The following NUP210L variants were observed in gnomAD, a reference collection of about 807,000 sequenced individuals.
NUP210L encodes the protein nucleoporin 210 like.
A neutral mutation model predicts 208.5 loss-of-function variants in NUP210L; 74 were observed. That is an observed-to-expected ratio of 0.35 (90% CI 0.29 to 0.43). The LOEUF is 0.43. Ranked by LOEUF, NUP210L falls within the 20% of genes least tolerant of loss-of-function variation. NUP210L has a pLI of 1.00. For synonymous variants in NUP210L, 780 were observed against 816.9 expected (o/e 0.95, Z 0.77); for missense variants, 1,843 against 2,289.4 (o/e 0.81, Z 3.98).
intron 16 of NUP210L, among the ~76,000 whole-genome samples, chr1:154,078,085 G>A (rs1450643941): frequency 1.3e-4 from 19 of 151,060 alleles, no homozygotes; most frequent in Admixed American, 1.2e-3. Flanking sequence ...TGGGCGGATC[G>A]CTTGAGCCCA....
chr1:154,121,529 G>C (rs1161045128), intron 10 of NUP210L, among the ~76,000 whole-genome samples: 1 of 152,146 alleles, frequency 6.6e-6, no homozygotes, highest in African/African-American at 2.4e-5. Context: ...TAAAAAAGAA[G>C]AAAGATATAA....
intron 10 of NUP210L, among the ~76,000 whole-genome samples, chr1:154,125,785 T>G: frequency 1.2e-5 from 1 of 80,430 alleles, no homozygotes; most frequent in Non-Finnish European, 2.3e-5. Context: ...TTTTTTTTTT[T>G]GAGACGGAGT....
chr1:154,129,593 G>A (rs1178440901), intron 7 of NUP210L, among the ~76,000 whole-genome samples: 1 of 152,200 alleles, frequency 6.6e-6, no homozygotes, highest in African/African-American at 2.4e-5. Flanking sequence ...GGAGAAAAAA[G>A]ATCATGCTTT....
intron 25 of NUP210L, among the ~76,000 whole-genome samples, chr1:154,053,670 C>A (rs1238676995): frequency 6.6e-6 from 1 of 152,228 alleles, no homozygotes; most frequent in South Asian, 2.1e-4. Context: ...AGATAACTAG[C>A]CAAAGCCCAT....
At chr1:154,054,103 G>T in intron 25 of NUP210L, 125 bp downstream of exon 25, 3 of 858,136 alleles carry the variant, frequency 3.5e-6, no homozygotes, top group Non-Finnish European at 5.5e-6. Context: ...CAGAATGCCA[G>T]GTAGGGGCAC....
At chr1:154,025,812 C>T in intron 29 of NUP210L, 96 bp from the exon 30 acceptor site, 1 of 981,730 alleles carries the variant, frequency 1.0e-6, no homozygotes, top group Non-Finnish European at 1.5e-6. Flanking sequence ...AGGGGATGTA[C>T]TCGAGAAAAC....
intron 17 of NUP210L, among the ~76,000 whole-genome samples, chr1:154,063,124 A>G (rs189696885): frequency 6.6e-6 from 1 of 152,312 alleles, no homozygotes; most frequent in East Asian, 1.9e-4. Flanking sequence ...TAGTGAGGGG[A>G]GACTGAGTAG....
At chr1:154,057,351 G>A (rs1653922289) in intron 22 of NUP210L, among the ~76,000 whole-genome samples, 1 of 152,020 alleles carries the variant, frequency 6.6e-6, no homozygotes, top group East Asian at 1.9e-4. Flanking sequence ...TTTAACTCTG[G>A]TTAGGGGGAA....
chr1:154,065,565 G>A (rs569920716), intron 17 of NUP210L, among the ~76,000 whole-genome samples: 64 of 152,164 alleles, frequency 4.2e-4, no homozygotes, highest in African/African-American at 1.4e-3. Flanking sequence ...AAGGTGACAC[G>A]TGATAAAATC....
chr1:154,035,871 T>C (rs1306426343), intron 27 of NUP210L, among the ~76,000 whole-genome samples: 2 of 151,962 alleles, frequency 1.3e-5, no homozygotes, highest in Non-Finnish European at 2.9e-5. Context: ...GTAGCTGAGA[T>C]TACAGGTACC....
At chr1:154,017,009 G>A (rs1003062640) in intron 33 of NUP210L, among the ~76,000 whole-genome samples, 3 of 151,542 alleles carry the variant, frequency 2.0e-5, no homozygotes, top group African/African-American at 2.4e-5. Context: ...TGGGCGCAGT[G>A]GCAGCTCATG....
intron 27 of NUP210L, among the ~76,000 whole-genome samples, chr1:154,038,635 A>G (rs1347095475): frequency 1.3e-5 from 2 of 152,124 alleles, no homozygotes; most frequent in African/African-American, 4.8e-5. Context: ...GTAAGCCACC[A>G]TGCCCAGCAG....
chr1:154,057,325 A>G (rs1653921134), intron 22 of NUP210L, among the ~76,000 whole-genome samples: 1 of 152,130 alleles, frequency 6.6e-6, no homozygotes, highest in Non-Finnish European at 1.5e-5. Flanking sequence ...CAAGGTGCTT[A>G]ACATTTTCTG....
At chr1:154,154,360 TAA>T (rs1659578042) in intron 1 of NUP210L, among the ~76,000 whole-genome samples, 1 of 152,230 alleles carries the variant, frequency 6.6e-6, no homozygotes, top group Non-Finnish European at 1.5e-5. Context: ...TGTTGTGTTT[TAA>T]GTCCTTCTCA....
At chr1:154,013,456 C>G (rs1370732799) in intron 33 of NUP210L, among the ~76,000 whole-genome samples, 2 of 152,044 alleles carry the variant, frequency 1.3e-5, no homozygotes, top group Admixed American at 6.6e-5. Flanking sequence ...TGCCTGTAAT[C>G]CCAGCTACCA....
chr1:154,151,771 A>G (rs1182359415), intron 2 of NUP210L, among the ~76,000 whole-genome samples: 1 of 152,080 alleles, frequency 6.6e-6, no homozygotes, highest in Non-Finnish European at 1.5e-5. Context: ...CTGTGCAACA[A>G]AGCAAGACCC....
chr1:154,079,186 G>A (rs190391338), intron 16 of NUP210L, among the ~76,000 whole-genome samples: 2 of 152,216 alleles, frequency 1.3e-5, no homozygotes, highest in East Asian at 3.9e-4. Context: ...TTGAGCCGAA[G>A]AGTTCAAGGC....
chr1:154,113,728 C>A (rs1032055174), intron 12 of NUP210L, among the ~76,000 whole-genome samples: 2 of 150,486 alleles, frequency 1.3e-5, no homozygotes, highest in South Asian at 4.2e-4. Flanking sequence ...CGTGGTGGCA[C>A]GTGCCTGTAA....
chr1:154,031,721 C>CT (rs780787597), intron 27 of NUP210L, among the ~76,000 whole-genome samples: 227 of 140,128 alleles, frequency 1.6e-3, no homozygotes, highest in Middle Eastern at 7.2e-3. Context: ...GATCACATTC[C>CT]TTTTTTTTTT....
Sources: allele counts gnomAD v4.1 joint callset (sites outside exome capture counted in the v4.1 genomes callset), GRCh38; gene constraint gnomAD v4.1.1; transcripts MANE v1.5; gene names NCBI Gene and HGNC (gene_info 2026-07-23, HGNC 2026-07-21).